Variants in GALNT13 observed in about 807,000 individuals in gnomAD.
GALNT13 encodes the protein UDP-GalNAc:polypeptide N-acetylgalactosaminyltransferase 13.
Under a neutral mutation model 64.2 loss-of-function variants are expected in GALNT13, and 28 were observed. The observed-to-expected ratio is 0.44, with a 90% CI of 0.32 to 0.60. The LOEUF is 0.60. Ranked by LOEUF, GALNT13 falls within the 20% of genes least tolerant of loss-of-function variation. GALNT13 has a pLI of 0.05. For synonymous variants in GALNT13, 214 were observed against 224.6 expected, an observed-to-expected ratio of 0.95 and a Z score of 0.42; for missense variants, 577 against 669.8, an observed-to-expected ratio of 0.86 and a Z score of 1.53.
intron 3 of GALNT13, among the ~76,000 whole-genome samples, chr2:153,952,178 A>C (rs115497026): frequency 8.3e-4 from 126 of 152,260 alleles, no homozygotes; most frequent in African/African-American, 2.8e-3. Flanking sequence ...TATTTGAGAG[A>C]ATAGGTATTT....
chr2:153,367,373 A>G, the GALNT13 span, among the ~76,000 whole-genome samples: 2 of 152,108 alleles, frequency 1.3e-5, no homozygotes, highest in Non-Finnish European at 2.9e-5. Context: ...TCAACTAAAA[A>G]TGTTTTAAGC....
the GALNT13 span, among the ~76,000 whole-genome samples, chr2:153,186,285 CT>C: frequency 2.0e-5 from 3 of 151,884 alleles, no homozygotes; most frequent in Middle Eastern, 3.4e-3. Flanking sequence ...GCAACCCCTG[CT>C]TTTTTTTCCC....
At chr2:154,218,508 T>C (rs74396862) in intron 4 of GALNT13, among the ~76,000 whole-genome samples, 3,121 of 152,208 alleles carry the variant, frequency 0.021, 94 homozygotes, top group African/African-American at 0.064. Context: ...ATTGTCTTTA[T>C]TCACTCATTT....
chr2:153,883,027 A>G (rs1015248439), intron 1 of GALNT13, among the ~76,000 whole-genome samples: 3 of 148,586 alleles, frequency 2.0e-5, no homozygotes, highest in African/African-American at 7.4e-5. Context: ...AGAGACAAAT[A>G]TATGTTATTT....
chr2:154,422,553 C>T (rs1019493493), intron 11 of GALNT13, among the ~76,000 whole-genome samples: 13 of 152,160 alleles, frequency 8.5e-5, no homozygotes, highest in African/African-American at 3.1e-4. Flanking sequence ...CTAATGAAAA[C>T]CTACCAGATA....
intron 3 of GALNT13, among the ~76,000 whole-genome samples, chr2:154,125,811 G>T (rs758162628): frequency 2.0e-4 from 31 of 152,104 alleles, no homozygotes; most frequent in Non-Finnish European, 3.7e-4. Flanking sequence ...ATAACTACAG[G>T]AAAACTAAAT....
chr2:153,423,757 T>C, the GALNT13 span, among the ~76,000 whole-genome samples: 1 of 151,722 alleles, frequency 6.6e-6, no homozygotes, highest in Non-Finnish European at 1.5e-5. Flanking sequence ...AAACCTTTAT[T>C]GAAAGTTATA....
the GALNT13 span, among the ~76,000 whole-genome samples, chr2:153,641,596 C>T: frequency 1.3e-5 from 2 of 152,042 alleles, no homozygotes; most frequent in Non-Finnish European, 2.9e-5. Flanking sequence ...TACTTGTAAG[C>T]GGGATCCACT....
chr2:153,587,502 T>C, the GALNT13 span, among the ~76,000 whole-genome samples: 1 of 152,138 alleles, frequency 6.6e-6, no homozygotes, highest in Non-Finnish European at 1.5e-5. Flanking sequence ...ATGTCTTACA[T>C]GGATGGCAGC....
chr2:153,822,625 A>G, the GALNT13 span, among the ~76,000 whole-genome samples: 26 of 152,296 alleles, frequency 1.7e-4, 1 homozygote, highest in East Asian at 4.8e-3. Context: ...GCCAACATGT[A>G]CTGAATGGAC....
At chr2:153,496,252 C>T in the GALNT13 span, among the ~76,000 whole-genome samples, 1 of 152,084 alleles carries the variant, frequency 6.6e-6, no homozygotes, top group Non-Finnish European at 1.5e-5. Context: ...ATGGTTTATC[C>T]TAATAGAATG....
chr2:153,525,708 A>T, the GALNT13 span, among the ~76,000 whole-genome samples: 1 of 152,164 alleles, frequency 6.6e-6, no homozygotes, highest in East Asian at 1.9e-4. Context: ...AGTGCCAAAA[A>T]GGCTGGGGAC....
At chr2:153,969,530 T>A (rs932723110) in intron 3 of GALNT13, among the ~76,000 whole-genome samples, 2 of 152,074 alleles carry the variant, frequency 1.3e-5, no homozygotes, top group Non-Finnish European at 2.9e-5. Context: ...GGTTTATTTT[T>A]TATATTTATA....
At chr2:153,987,595 A>C (rs1694884371) in intron 3 of GALNT13, among the ~76,000 whole-genome samples, 1 of 151,922 alleles carries the variant, frequency 6.6e-6, no homozygotes, top group Non-Finnish European at 1.5e-5. Flanking sequence ...AACTTATGAA[A>C]GAGCAAGAAG....
chr2:154,143,101 G>T (rs1683359623), intron 4 of GALNT13, among the ~76,000 whole-genome samples: 1 of 152,132 alleles, frequency 6.6e-6, no homozygotes, highest in Admixed American at 6.5e-5. Context: ...GGTGGATTGG[G>T]GGTTGGGGGT....
intron 3 of GALNT13, among the ~76,000 whole-genome samples, chr2:154,139,652 A>ACACC (rs1426398269): frequency 1.3e-5 from 2 of 148,756 alleles, no homozygotes; most frequent in Non-Finnish European, 3.0e-5. Flanking sequence ...ACACACACAC[A>ACACC]CCCCTTGAAA....
At chr2:153,094,284 C>T in the GALNT13 span, among the ~76,000 whole-genome samples, 32 of 151,988 alleles carry the variant, frequency 2.1e-4, no homozygotes, top group African/African-American at 6.3e-4. Context: ...CTGTATACTG[C>T]GTTTTTTGTA....
At chr2:153,449,439 T>C in the GALNT13 span, among the ~76,000 whole-genome samples, 1 of 151,574 alleles carries the variant, frequency 6.6e-6, no homozygotes, top group Non-Finnish European at 1.5e-5. Flanking sequence ...GACCAAGATG[T>C]TTTTTCCCCC....
the GALNT13 span, among the ~76,000 whole-genome samples, chr2:153,787,641 A>C: frequency 4.6e-5 from 7 of 152,190 alleles, no homozygotes; most frequent in Non-Finnish European, 1.0e-4. Flanking sequence ...GGATAAGAAT[A>C]AAAATCAAAA....
Sources: gnomAD v4.1 joint callset for allele counts (sites outside exome capture counted in the v4.1 genomes callset) on GRCh38, gnomAD v4.1.1 for gene constraint, MANE v1.5 for transcripts, NCBI Gene and HGNC (gene_info 2026-07-23, HGNC 2026-07-21) for gene names.